Variants in BICD1 observed in about 807,000 individuals in gnomAD.
BICD1 encodes protein bicaudal D homolog 1.
A neutral mutation model predicts 92.5 loss-of-function variants in BICD1; 35 were observed. The observed-to-expected ratio is 0.38, with a 90% CI of 0.29 to 0.50. The LOEUF (loss-of-function observed/expected upper bound fraction) is 0.50. Ranked by LOEUF, BICD1 falls within the 20% of genes least tolerant of loss-of-function variation. The pLI is 0.93. For missense variants in BICD1, 950 were observed against 1,189.8 expected (o/e 0.80, Z 2.97); for synonymous variants, 429 against 465.1 (o/e 0.92, Z 1.00).
rs142606950 is a variant in BICD1 at position 32,137,725 on chromosome 12, A to G, written c.213+30181A>G. Among the ~76,000 whole-genome samples the G allele has an allele frequency of 6.9e-4, 105 of 152,210 alleles. 2 individuals carry two copies. The East Asian group carries it at 0.02, about 28-fold the overall frequency. On this transcript the variant is annotated intron_variant, in intron 1 of 9. Coordinates refer to ENST00000652176, the MANE Select transcript of BICD1 (RefSeq NM_001714.4). ...AGCATGGCTGTAGAAAGTATTCTCAAATTTATCAGGAGACCCAAGTTTTAA... is the reference window on the plus strand; with the variant it reads ...AGCATGGCTGTAGAAAGTATTCTCAGATTTATCAGGAGACCCAAGTTTTAA...
intron 1 of BICD1, among the ~76,000 whole-genome samples, chr12:32,164,349 C>T (rs1447769507): frequency 6.6e-6 from 1 of 152,000 alleles, no homozygotes; most frequent in Non-Finnish European, 1.5e-5. Flanking sequence ...GCTATTATGC[C>T]CCAATTCTCA....
chr12:32,335,895 A>G (rs998869383), intron 6 of BICD1, among the ~76,000 whole-genome samples: 4 of 152,052 alleles, frequency 2.6e-5, no homozygotes, highest in Non-Finnish European at 5.9e-5. Flanking sequence ...AATCCTACCA[A>G]TTGTGTATCT....
intron 2 of BICD1, among the ~76,000 whole-genome samples, chr12:32,217,461 T>G (rs181688305): frequency 6.6e-6 from 1 of 152,362 alleles, no homozygotes; most frequent in East Asian, 1.9e-4. Flanking sequence ...ATTTTCTAGA[T>G]AATTTACGTT....
At chr12:32,165,300 G>C (rs1475376734) in intron 1 of BICD1, among the ~76,000 whole-genome samples, 1 of 152,130 alleles carries the variant, frequency 6.6e-6, no homozygotes, top group African/African-American at 2.4e-5. Context: ...CGGATCACGA[G>C]GTCAGGAGAT....
intron 2 of BICD1, among the ~76,000 whole-genome samples, chr12:32,239,248 A>G (rs1444631850): frequency 1.9e-3 from 2 of 1,072 alleles, no homozygotes; most frequent in Non-Finnish European, 0.011. Flanking sequence ...CTCCGTCTCA[A>G]AAAAAAAAAA....
chr12:32,330,429 TG>T (rs1004013861), intron 5 of BICD1, among the ~76,000 whole-genome samples: 14 of 69,108 alleles, frequency 2.0e-4, no homozygotes, highest in Admixed American at 6.9e-4. Flanking sequence ...TGTTGTGGGG[TG>T]GGGGGAGGGG....
At chr12:32,142,311 C>T (rs999364199) in intron 1 of BICD1, among the ~76,000 whole-genome samples, 2 of 144,262 alleles carry the variant, frequency 1.4e-5, no homozygotes, top group Admixed American at 1.5e-4. Flanking sequence ...GAGGCTGAGA[C>T]AGGAGAATCG....
intron 1 of BICD1, among the ~76,000 whole-genome samples, chr12:32,175,177 A>C (rs1944055362): frequency 6.6e-6 from 1 of 152,196 alleles, no homozygotes; most frequent in South Asian, 2.1e-4. Flanking sequence ...CTTGTTTACT[A>C]GTTTATCCCC....
At position 32,328,500 on chromosome 12, in the gene BICD1, G is replaced by A; in HGVS notation, c.2045G>A (p.Ser682Asn). 1 of 1,614,178 alleles carries A rather than the reference G, an allele frequency of 6.2e-7. No homozygotes were observed. Among genetic ancestry groups the A allele is most frequent in the Non-Finnish European group, 8.5e-7 (1 of 1,180,024 alleles). The stretch of plus-strand genomic sequence containing the variant: ...ATCCTCAAGCTAAAGTCCCTGCTGA[G>A]CACCAAACGGGAGCAGATCGCCACA... ...EEILKLKSLL[S>N]TKREQIATLR... The change falls in exon 5 of 10, where the codon AGC (serine) becomes AAC (asparagine). Residue 682 changes from serine to asparagine, a missense_variant. Ser to Asn is a conservative substitution (Grantham distance 46). Coordinates refer to ENST00000652176, the MANE Select transcript of BICD1 (RefSeq NM_001714.4). The surrounding 1 kb of genome is among the most constrained non-coding windows in gnomAD (Gnocchi z 4.4).
intron 5 of BICD1, chr12:32,332,642 G>C (rs919803971): frequency 3.5e-6 from 1 of 286,704 alleles, no homozygotes; most frequent in Admixed American, 6.5e-5. Flanking sequence ...TCCAAGTTAT[G>C]AGAACAATGC....
chr12:32,328,050 G>T lies in BICD1; in HGVS notation c.1595G>T (p.Arg532Met). 1 of 1,614,150 alleles carries T rather than the reference G, an allele frequency of 6.2e-7. No individual in the cohort carries two copies. ...VCLCNNETPN[R>M]VMLDYYRQSR... Reference sequence around the variant, plus strand: ...CTATGTAATAATGAAACTCCCAACAGGGTCATGCTGGATTACTATAGGCAG... The same window carrying T: ...CTATGTAATAATGAAACTCCCAACATGGTCATGCTGGATTACTATAGGCAG... Residue 532 changes from arginine (R) to methionine (M), a missense_variant, in exon 5 of 10, where the codon AGG (arginine) becomes ATG (methionine). Coordinates refer to ENST00000652176, the MANE Select transcript of BICD1 (RefSeq NM_001714.4). This position sits in a 1 kb window ranked among gnomAD's most constrained non-coding sequence, Gnocchi z 4.4.
intron 8 of BICD1, among the ~76,000 whole-genome samples, chr12:32,359,075 C>G (rs1939225117): frequency 6.6e-6 from 1 of 152,172 alleles, no homozygotes; most frequent in Admixed American, 6.5e-5. Flanking sequence ...TGTCTCTGTG[C>G]TTTGATCATT....
intron 3 of BICD1, among the ~76,000 whole-genome samples, chr12:32,304,245 G>T (rs1948148968): frequency 6.6e-6 from 1 of 152,114 alleles, no homozygotes; most frequent in South Asian, 2.1e-4. Context: ...AATATATGAT[G>T]ATGATACTGG....
intron 1 of BICD1, among the ~76,000 whole-genome samples, chr12:32,115,064 C>G (rs1941841421): frequency 6.6e-6 from 1 of 151,986 alleles, no homozygotes. Context: ...AATATGTTGA[C>G]CAGGCTGGTC....
intron 1 of BICD1, among the ~76,000 whole-genome samples, chr12:32,173,613 A>G (rs1944016110): frequency 6.6e-6 from 1 of 152,210 alleles, no homozygotes; most frequent in African/African-American, 2.4e-5. Flanking sequence ...ACATCTTTAG[A>G]GTTTTGCTTC....
Position 32,310,121 on chromosome 12 carries a change from C to T in BICD1, c.1005+3999C>T, listed in dbSNP as rs16919716. Among the ~76,000 whole-genome samples, 1,356 of 152,298 alleles carry T rather than the reference C, an allele frequency of 8.9e-3. 9 individuals are homozygous for T. The highest frequency in any genetic ancestry group is 0.014 in the Non-Finnish European group (957 of 68,022). ...ATATGCAGCAGTTCAGGTTTTCTTC[C>T]TTCTGATCAAGTACCCCTTTGATGG... On this transcript the variant is annotated intron_variant, in intron 4 of 9. Coordinates refer to ENST00000652176, the MANE Select transcript of BICD1 (RefSeq NM_001714.4).
At chr12:32,354,604 C>T (rs1939028595) in intron 8 of BICD1, among the ~76,000 whole-genome samples, 1 of 152,154 alleles carries the variant, frequency 6.6e-6, no homozygotes, top group South Asian at 2.1e-4. Flanking sequence ...TCAGAAATTA[C>T]ACTATCATCT....
At chr12:32,286,734 T>G (rs148910684) in intron 2 of BICD1, among the ~76,000 whole-genome samples, 1,891 of 152,300 alleles carry the variant, frequency 0.012, 27 homozygotes, top group African/African-American at 0.033. Context: ...ATATATTTTT[T>G]GGGGGATTAA....
rs139182876 is a variant in BICD1, at chr12:32,308,578, T to C, written c.1005+2456T>C. On this transcript the variant is annotated intron_variant, in intron 4 of 9. Coordinates refer to ENST00000652176, the MANE Select transcript of BICD1 (RefSeq NM_001714.4). ...ATTAGGCACTCACTTTATAATAATT[T>C]AGATAATTATTATTAACTATTATTT... is the stretch of plus-strand genomic sequence containing the variant. 8.0e-3 allele frequency among the ~76,000 whole-genome samples: 1,217 copies of C among 152,288 alleles called. 16 individuals carry two copies. The highest frequency in any genetic ancestry group is 0.028 in the African/African-American group (1,146 of 41,542).
Sources: allele counts gnomAD v4.1 joint callset (sites outside exome capture counted in the v4.1 genomes callset), GRCh38; gene constraint gnomAD v4.1.1; non-coding constraint Gnocchi (gnomAD v3.1); transcripts MANE v1.5; gene names NCBI Gene and HGNC (gene_info 2026-07-23, HGNC 2026-07-21).